CRTAP: variants seen among roughly 807,000 people sequenced by gnomAD.
The protein encoded by CRTAP is cartilage associated protein.
Under a neutral mutation model 42.7 loss-of-function variants are expected in CRTAP, and 33 were observed. The ratio of observed to expected loss-of-function variants is 0.77; its 90% CI spans 0.59 to 1.03. CRTAP has a LOEUF of 1.03. Among genes scored for constraint, CRTAP ranks in the 50% least tolerant of loss-of-function variants. The pLI is 0.00. For missense variants in CRTAP, 613 were observed against 533.9 expected (o/e 1.15, Z -1.46); for synonymous variants, 243 against 217.7 (o/e 1.12, Z -1.02).
chr3:33,123,564 G>A (rs1402471426), intron 2 of CRTAP, among the ~76,000 whole-genome samples: 7 of 150,750 alleles, frequency 4.6e-5, no homozygotes, highest in African/African-American at 1.7e-4. Context: ...TATGCTTCCT[G>A]TATAGCCTGC....
At chr3:33,115,786 C>T (rs748405969) in intron 1 of CRTAP, among the ~76,000 whole-genome samples, 8 of 151,682 alleles carry the variant, frequency 5.3e-5, no homozygotes, top group Non-Finnish European at 8.8e-5. Context: ...GACAGAGCCA[C>T]GTGTATATTG....
At chr3:33,120,689 T>G (rs1293047876) in intron 2 of CRTAP, among the ~76,000 whole-genome samples, 196 bp downstream of exon 2, 1 of 152,230 alleles carries the variant, frequency 6.6e-6, no homozygotes, top group African/African-American at 2.4e-5. Context: ...CCGTGATGAT[T>G]TTAAAAGCCA....
At chr3:33,123,623 C>T (rs991981085) in intron 2 of CRTAP, among the ~76,000 whole-genome samples, 25 of 127,024 alleles carry the variant, frequency 2.0e-4, no homozygotes, top group Non-Finnish European at 2.9e-4. Flanking sequence ...TACCCAGTCT[C>T]GGTTTTTTTT....
chr3:33,143,379 T>A lies in CRTAP; in HGVS notation c.*931T>A, dbSNP rs1006743610. On this transcript the variant is annotated 3_prime_UTR_variant, in exon 7 of 7. Coordinates refer to ENST00000320954, the MANE Select transcript of CRTAP (RefSeq NM_006371.5). ...AATGTGGCTTTTGCCCCACTTTGCA[T>A]CTCCAAAATTACAACGGTTGGCCGA... The A allele has an allele frequency of 6.6e-6, 1 of 152,228 alleles. No homozygotes were observed. The highest frequency in any genetic ancestry group is 2.4e-5 in the African/African-American group (1 of 41,458). The allele number at this position is 152,228 out of a possible 1,614,324, so 9.4% of individuals were successfully genotyped here. A position where few individuals can be genotyped will look rare whatever the true frequency, so the allele number is the denominator to read the frequency against.
chr3:33,125,951 T>C (rs2030054659), intron 3 of CRTAP, among the ~76,000 whole-genome samples: 1 of 152,178 alleles, frequency 6.6e-6, no homozygotes, highest in Non-Finnish European at 1.5e-5. Flanking sequence ...CTCTTGAAAA[T>C]TTTTATTGTG....
At chr3:33,141,421 A>C (rs1028615096) in intron 6 of CRTAP, among the ~76,000 whole-genome samples, 3 of 152,222 alleles carry the variant, frequency 2.0e-5, no homozygotes, top group Non-Finnish European at 4.4e-5. Flanking sequence ...GACATAGTAG[A>C]AGTATTTGAT....
chr3:33,114,411 C>A lies in CRTAP; in HGVS notation c.334C>A (p.Leu112Met), dbSNP rs764402246. 6.5e-7 allele frequency: 1 copy of A among 1,547,176 alleles called. No homozygotes were observed. Among genetic ancestry groups the A allele is most frequent in the Admixed American group, 1.9e-5 (1 of 52,406 alleles). ...SYPELRLFGG[L>M]LRRAHCLKRC... Reference sequence around the variant, plus strand: ...TCCCGAGCTGCGCCTCTTCGGGGGCCTGCTGCGCCGCGCGCACTGCCTCAA... The same window carrying A: ...TCCCGAGCTGCGCCTCTTCGGGGGCATGCTGCGCCGCGCGCACTGCCTCAA... Residue 112 changes from leucine (L) to methionine (M), a missense_variant, in exon 1 of 7, where the codon CTG (leucine) becomes ATG (methionine). Coordinates refer to ENST00000320954, the MANE Select transcript of CRTAP (RefSeq NM_006371.5).
chr3:33,119,693 G>A (rs1486344374), intron 1 of CRTAP, among the ~76,000 whole-genome samples: 3 of 152,180 alleles, frequency 2.0e-5, no homozygotes, highest in Non-Finnish European at 4.4e-5. Context: ...AAGATATGGT[G>A]CAGTCATATT....
rs2030205875 is a variant in CRTAP, at chr3:33,130,049, C to A, written c.904C>A (p.Gln302Lys). The A allele has an allele frequency of 6.2e-7, 1 of 1,613,712 alleles. No homozygotes were observed. The highest frequency in any genetic ancestry group is 8.5e-7 in the Non-Finnish European group (1 of 1,179,680). Residue 302 changes from glutamine (Q) to lysine (K), a missense_variant, in exon 4 of 7, where the codon CAG (glutamine) becomes AAG (lysine). Gln to Lys is a moderately conservative substitution (Grantham distance 53). Coordinates refer to ENST00000320954, the MANE Select transcript of CRTAP (RefSeq NM_006371.5). Reference sequence around the variant, plus strand: ...TGTGGCTACCATGTATCATTACTTGCAGTTTGCCTATTATAAGTGTAAGTA... The same window carrying A: ...TGTGGCTACCATGTATCATTACTTGAAGTTTGCCTATTATAAGTGTAAGTA... The part of the protein sequence containing the change: ...KFVATMYHYL[Q>K]FAYYKLNDLK...
In CRTAP at chr3:33,114,102, G is replaced by A. The variant is rs900374414; in HGVS notation, c.25G>A (p.Ala9Thr). 3 of 1,473,012 alleles carry A rather than the reference G, an allele frequency of 2.0e-6. No homozygotes were observed. The highest frequency in any genetic ancestry group is 2.7e-6 in the Non-Finnish European group (3 of 1,120,286). 91.2% of individuals were successfully genotyped at this position (1,473,012 alleles called of 1,614,324 possible). The change falls in exon 1 of 7, where the codon GCG (alanine) becomes ACG (threonine). Residue 9 changes from alanine to threonine, a missense_variant. By Grantham distance (58) the Ala-to-Thr change is moderately conservative. Transcript: ENST00000320954. ...GATGGAGCCGGGGCGCCGGGGGGCC[G>A]CGGCGCTGCTAGCGCTGCTGTGCGT... Reference protein sequence around the residue: MEPGRRGAAALLALLCVAC... With the variant: MEPGRRGATALLALLCVAC...
intron 5 of CRTAP, 24 bp from the exon 6 acceptor site, chr3:33,134,158 C>G: frequency 1.3e-6 from 2 of 1,558,804 alleles, no homozygotes; most frequent in Non-Finnish European, 1.8e-6. Context: ...GTCCTATAAA[C>G]TGTTCTCTGT....
At position 33,142,580 on chromosome 3, in the gene CRTAP, C is replaced by A; in HGVS notation, c.*132C>A. On this transcript the variant is annotated 3_prime_UTR_variant, in exon 7 of 7. Transcript: ENST00000320954. ...TCCAAAGTGAAAGGGAAGCCCCCGTCTCTCTAACTGCATGTCATCAGGGGT... is the reference window on the plus strand; with the variant it reads ...TCCAAAGTGAAAGGGAAGCCCCCGTATCTCTAACTGCATGTCATCAGGGGT... 1 of 817,906 alleles carries A rather than the reference C, an allele frequency of 1.2e-6. No individual in the cohort carries two copies. The highest frequency in any genetic ancestry group is 2.0e-6 in the Non-Finnish European group (1 of 494,450). The allele number at this position is 817,906 out of a possible 1,614,324, so 50.7% of individuals were successfully genotyped here.
rs750198183 is a variant in CRTAP, at chr3:33,114,560, T to G, written c.471+12T>G. 3 of 1,565,980 alleles carry G rather than the reference T, an allele frequency of 1.9e-6. No individual in the cohort carries two copies. The highest frequency in any genetic ancestry group is 2.6e-6 in the Non-Finnish European group (3 of 1,156,290). Reference sequence around the variant, plus strand: ...TCGCTTACTTCAAGGCAAGTCCGCCTCGCCCCGTCCCAGGCCCCGGCCCCG... The same window carrying G: ...TCGCTTACTTCAAGGCAAGTCCGCCGCGCCCCGTCCCAGGCCCCGGCCCCG... On this transcript the variant is annotated intron_variant, in intron 1 of 6. Transcript: ENST00000320954.
rs1333081449 is a variant in CRTAP, at chr3:33,114,095, G to C, written c.18G>C (p.Arg6=). The part of the protein sequence containing the change: MEPGR[R]GAAALLALLC... ...CGGGCGCGATGGAGCCGGGGCGCCG[G>C]GGGGCCGCGGCGCTGCTAGCGCTGC... The change falls in exon 1 of 7, where the codon CGG becomes CGC. Residue 6 remains arginine (R), a synonymous_variant. Transcript: ENST00000320954. 8 of 1,464,488 alleles carry C rather than the reference G, an allele frequency of 5.5e-6. No homozygotes were observed. The highest frequency in any genetic ancestry group is 6.3e-6 in the Non-Finnish European group (7 of 1,115,724). The allele number at this position is 1,464,488 out of a possible 1,614,324, so 90.7% of individuals were successfully genotyped here.
intron 1 of CRTAP, 130 bp downstream of exon 1, chr3:33,114,678 C>G: frequency 1.2e-6 from 1 of 802,668 alleles, no homozygotes; most frequent in African/African-American, 1.7e-5. Flanking sequence ...CCATCCAGCC[C>G]TGCCAAAGGT....
intron 2 of CRTAP, among the ~76,000 whole-genome samples, chr3:33,123,107 G>A (rs1454314991): frequency 5.3e-5 from 8 of 152,064 alleles, no homozygotes; most frequent in Non-Finnish European, 1.2e-4. Context: ...TCTTCTAATC[G>A]AGTCTAATCA....
rs1446192114 is a variant in CRTAP at position 33,132,570 on chromosome 3, A to G, written c.938A>G (p.Asn313Ser). The stretch of plus-strand genomic sequence containing the variant: ...CCAACCCTAGTGAACGACCTGAAGA[A>G]TGCAGCCCCCTGTGCAGTCAGCTAT... ...FAYYKLNDLK[N>S]AAPCAVSYLL... The change falls in exon 5 of 7, where the codon AAT (asparagine) becomes AGT (serine). Residue 313 changes from asparagine to serine, a missense_variant. By Grantham distance (46) the Asn-to-Ser change is conservative. Coordinates refer to ENST00000320954, the MANE Select transcript of CRTAP (RefSeq NM_006371.5). 1 of 1,614,148 alleles carries G rather than the reference A, an allele frequency of 6.2e-7. No homozygotes were observed. Among genetic ancestry groups the G allele is most frequent in the Non-Finnish European group, 8.5e-7 (1 of 1,179,986 alleles).
At chr3:33,120,759 G>A (rs1276814584) in intron 2 of CRTAP, among the ~76,000 whole-genome samples, 1 of 151,870 alleles carries the variant, frequency 6.6e-6, no homozygotes, top group East Asian at 1.9e-4. Context: ...GTTTTAAGAG[G>A]GTAGATTAAA....
chr3:33,132,410 A>G, intron 4 of CRTAP, 145 bp from the exon 5 acceptor site: 1 of 1,162,434 alleles, frequency 8.6e-7, no homozygotes, highest in South Asian at 1.2e-5. Flanking sequence ...TGGCCTGCCC[A>G]CCCAGGGCTG....
Sources: allele counts gnomAD v4.1 joint callset (sites outside exome capture counted in the v4.1 genomes callset), GRCh38; gene constraint gnomAD v4.1.1; transcripts MANE v1.5; gene names NCBI Gene and HGNC (gene_info 2026-07-23, HGNC 2026-07-21).